The following HPSE2 variants were observed in gnomAD, a reference collection of about 807,000 sequenced individuals.
HPSE2 encodes the protein heparanase 2 (inactive).
A neutral mutation model predicts 60.5 loss-of-function variants in HPSE2; 38 were observed. That is an observed-to-expected ratio of 0.63 (90% CI 0.48 to 0.82). The LOEUF is 0.82. Ranked by LOEUF, HPSE2 falls within the 40% of genes least tolerant of loss-of-function variation. HPSE2 has a pLI of 0.00. For synonymous variants in HPSE2, 295 were observed against 293.2 expected, an observed-to-expected ratio of 1.01 and a Z score of -0.06; for missense variants, 713 against 740.4, an observed-to-expected ratio of 0.96 and a Z score of 0.43.
the HPSE2 span, among the ~76,000 whole-genome samples, chr10:99,261,008 C>T: frequency 2.6e-5 from 4 of 152,162 alleles, no homozygotes; most frequent in Non-Finnish European, 4.4e-5. Context: ...GAAAATGGCA[C>T]TTTTAATTTC....
intron 4 of HPSE2, among the ~76,000 whole-genome samples, chr10:98,726,875 T>G (rs897744818): frequency 3.3e-5 from 5 of 152,038 alleles, no homozygotes; most frequent in Admixed American, 6.6e-5. Flanking sequence ...TCAGAAGCCA[T>G]GACTGAGAGT....
intron 9 of HPSE2, among the ~76,000 whole-genome samples, chr10:98,517,508 T>G (rs924165329): frequency 8.5e-5 from 13 of 152,152 alleles, no homozygotes; most frequent in African/African-American, 2.6e-4. Flanking sequence ...TTACCTGGAG[T>G]GGAAGAAGGG....
chr10:99,022,280 C>T (rs1957279894), intron 3 of HPSE2, among the ~76,000 whole-genome samples: 1 of 151,994 alleles, frequency 6.6e-6, no homozygotes, highest in African/African-American at 2.4e-5. Flanking sequence ...CTGATGCCCA[C>T]CCACGGAGGG....
At chr10:99,102,451 A>G (rs926421762) in intron 3 of HPSE2, among the ~76,000 whole-genome samples, 2 of 152,198 alleles carry the variant, frequency 1.3e-5, no homozygotes, top group Admixed American at 6.5e-5. Context: ...GAATCCCTGA[A>G]TAGACCAATA....
intron 3 of HPSE2, among the ~76,000 whole-genome samples, chr10:98,880,989 C>A (rs960256007): frequency 2.0e-5 from 3 of 152,044 alleles, no homozygotes; most frequent in African/African-American, 4.8e-5. Context: ...AGGATGTAAA[C>A]CCTGCTGCTG....
intron 9 of HPSE2, among the ~76,000 whole-genome samples, chr10:98,524,020 T>C (rs1354003852): frequency 6.6e-6 from 1 of 152,194 alleles, no homozygotes; most frequent in East Asian, 1.9e-4. Context: ...CTCCACCTGC[T>C]TTCTCCCAGC....
At chr10:99,199,898 A>C (rs897776497) in intron 2 of HPSE2, among the ~76,000 whole-genome samples, 1 of 152,100 alleles carries the variant, frequency 6.6e-6, no homozygotes, top group Non-Finnish European at 1.5e-5. Context: ...AAAAATATTA[A>C]TTCTTCTAAC....
intron 3 of HPSE2, among the ~76,000 whole-genome samples, chr10:98,828,124 A>G (rs530335612): frequency 1.3e-5 from 2 of 152,080 alleles, no homozygotes; most frequent in African/African-American, 4.8e-5. Flanking sequence ...TTACAATCAT[A>G]TAAGCCAATT....
At chr10:98,789,413 G>T (rs1950607949) in intron 3 of HPSE2, among the ~76,000 whole-genome samples, 1 of 152,162 alleles carries the variant, frequency 6.6e-6, no homozygotes, top group East Asian at 1.9e-4. Flanking sequence ...TAAGAGTCTG[G>T]GTGTTTATTA....
intron 3 of HPSE2, among the ~76,000 whole-genome samples, chr10:98,977,251 C>T (rs1023975848): frequency 6.6e-6 from 1 of 152,120 alleles, no homozygotes; most frequent in African/African-American, 2.4e-5. Flanking sequence ...CTTCCTTTAT[C>T]AATTTAGTGT....
intron 5 of HPSE2, among the ~76,000 whole-genome samples, chr10:98,694,294 G>T (rs1402664223): frequency 6.6e-6 from 1 of 152,076 alleles, no homozygotes; most frequent in Non-Finnish European, 1.5e-5. Context: ...TATTCTCTAA[G>T]GACTCCAATC....
At chr10:99,241,442 G>A in the HPSE2 span, among the ~76,000 whole-genome samples, 9 of 152,182 alleles carry the variant, frequency 5.9e-5, no homozygotes, top group South Asian at 4.1e-4. Flanking sequence ...GTTTATGTAC[G>A]GGGAAAGTAC....
intron 3 of HPSE2, among the ~76,000 whole-genome samples, chr10:98,847,523 C>T (rs1006504787): frequency 6.6e-6 from 1 of 152,168 alleles, no homozygotes; most frequent in African/African-American, 2.4e-5. Context: ...TTGTATTTTA[C>T]TTTATGTGCC....
chr10:98,663,683 C>T (rs1210422410), intron 6 of HPSE2, among the ~76,000 whole-genome samples: 1 of 152,142 alleles, frequency 6.6e-6, no homozygotes, highest in Non-Finnish European at 1.5e-5. Context: ...CCTGTGCAAT[C>T]TTGGGAACAG....
intron 3 of HPSE2, among the ~76,000 whole-genome samples, chr10:99,015,086 A>G (rs1263474080): frequency 6.6e-6 from 1 of 152,216 alleles, no homozygotes; most frequent in Non-Finnish European, 1.5e-5. Context: ...ATCACTGGCC[A>G]TCAGAGAAAT....
chr10:99,086,622 G>A (rs919989349), intron 3 of HPSE2, among the ~76,000 whole-genome samples: 2 of 151,944 alleles, frequency 1.3e-5, no homozygotes, highest in African/African-American at 4.8e-5. Context: ...AAAGTGCTGG[G>A]ATTACAGGCG....
chr10:98,949,625 A>G (rs1188671227), intron 3 of HPSE2, among the ~76,000 whole-genome samples: 2 of 152,188 alleles, frequency 1.3e-5, no homozygotes, highest in Non-Finnish European at 2.9e-5. Flanking sequence ...AGTTACCTGA[A>G]TCAATAAATT....
intron 6 of HPSE2, among the ~76,000 whole-genome samples, chr10:98,670,006 TGAA>T (rs1947465561): frequency 6.6e-6 from 1 of 152,108 alleles, no homozygotes; most frequent in African/African-American, 2.4e-5. Flanking sequence ...CTGAAAGAAA[TGAA>T]GGAGTCATGC....
intron 9 of HPSE2, among the ~76,000 whole-genome samples, chr10:98,516,318 G>A (rs1942600684): frequency 6.6e-6 from 1 of 152,184 alleles, no homozygotes; most frequent in African/African-American, 2.4e-5. Context: ...ACCCAGCACA[G>A]GGTCTAAGTA....
Sources: gnomAD v4.1 joint callset for allele counts (sites outside exome capture counted in the v4.1 genomes callset) on GRCh38, gnomAD v4.1.1 for gene constraint, MANE v1.5 for transcripts, NCBI Gene and HGNC (gene_info 2026-07-23, HGNC 2026-07-21) for gene names.